Variants in TMEM266 observed in about 807,000 individuals in gnomAD.
The protein encoded by TMEM266 is Hv1 related protein 1.
In TMEM266, 33 loss-of-function variants were observed where a neutral mutation model predicts 50.5. That is an observed-to-expected ratio of 0.65 (90% CI 0.50 to 0.87). The LOEUF is 0.87. TMEM266 is among the 40% of genes least tolerant of loss of function. The pLI is 0.00. For synonymous variants in TMEM266, 310 were observed against 292.3 expected (o/e 1.06, Z -0.62); for missense variants, 655 against 695.1 (o/e 0.94, Z 0.65).
chr15:76,133,758 A>G (rs1243829648), intron 1 of TMEM266, among the ~76,000 whole-genome samples: 2 of 152,240 alleles, frequency 1.3e-5, no homozygotes, highest in Admixed American at 1.3e-4. Context: ...TGGAAGGGAA[A>G]GGGAAGTGGG....
At position 76,195,071 on chromosome 15, in the gene TMEM266, C is replaced by G. The variant is rs1001887105; in HGVS notation, c.958+2914C>G. Among the ~76,000 whole-genome samples the G allele has an allele frequency of 2.0e-5, 3 of 152,160 alleles. No individual in the cohort carries two copies. The East Asian group carries it at 5.8e-4, about 29-fold the overall frequency. The stretch of plus-strand genomic sequence containing the variant: ...TAAATGTTCTGTACGGTTTCTGAGT[C>G]TCTGCATGCTGTTCATGGGATGGCC... On this transcript the variant is annotated intron_variant, in intron 9 of 10. Transcript: ENST00000388942.
At position 76,134,292 on chromosome 15, in the gene TMEM266, C is replaced by G. The variant is rs1353512983; in HGVS notation, c.29C>G (p.Thr10Ser). The G allele has an allele frequency of 2.5e-6, 4 of 1,613,760 alleles. No individual in the cohort carries two copies. In the African/African-American group the frequency reaches 5.3e-5, roughly 22 times the overall value. ...GCTGTGGCTCCATCTTTCAACATGACCAATCCACAGTAAGTAATGCTGGGA... is the reference window on the plus strand; with the variant it reads ...GCTGTGGCTCCATCTTTCAACATGAGCAATCCACAGTAAGTAATGCTGGGA... The change falls in exon 2 of 11, where the codon ACC becomes AGC. Residue 10 changes from threonine to serine, a missense_variant. Transcript: ENST00000388942.
chr15:76,148,756 C>A (rs1355417258), intron 3 of TMEM266, among the ~76,000 whole-genome samples: 1 of 144,586 alleles, frequency 6.9e-6, no homozygotes, highest in Non-Finnish European at 1.5e-5. Flanking sequence ...GCCACCATAC[C>A]CTACTGTTTC....
intron 3 of TMEM266, among the ~76,000 whole-genome samples, chr15:76,145,393 G>A (rs2037742373): frequency 6.6e-6 from 1 of 152,180 alleles, no homozygotes; most frequent in Non-Finnish European, 1.5e-5. Context: ...GCTGCCTGTG[G>A]TCATCAGGCC....
At chr15:76,176,694 TGA>T (rs1424823239) in intron 8 of TMEM266, among the ~76,000 whole-genome samples, 2 of 152,142 alleles carry the variant, frequency 1.3e-5, no homozygotes, top group Non-Finnish European at 2.9e-5. Context: ...GTCCTGCCAG[TGA>T]AAGTGGAGGA....
chr15:76,170,255 G>GGGTGGGTGT (rs2038167046), intron 6 of TMEM266, among the ~76,000 whole-genome samples: 1 of 152,204 alleles, frequency 6.6e-6, no homozygotes, highest in Admixed American at 6.5e-5. Flanking sequence ...CCCGCCACAC[G>GGGTGGGTGT]GGTGGGTGTG....
rs531749145 is a variant in TMEM266 at position 76,192,384 on chromosome 15, C to T, written c.958+227C>T. 3.3e-5 allele frequency among the ~76,000 whole-genome samples: 5 copies of T among 152,332 alleles called. No individual in the cohort carries two copies. In the South Asian group the frequency reaches 8.3e-4, roughly 25 times the overall value. On this transcript the variant is annotated intron_variant, in intron 9 of 10. Coordinates refer to ENST00000388942, the MANE Select transcript of TMEM266 (RefSeq NM_152335.3). ...CCACCGACCCAAACTAGAAATGACT[C>T]GTCCCCATTTCATGCCTGTGGCCAC...
chr15:76,172,166 GTTGGTTTGGT>G (rs1039686246), intron 7 of TMEM266, among the ~76,000 whole-genome samples: 4 of 152,178 alleles, frequency 2.6e-5, no homozygotes, highest in Admixed American at 2.0e-4. Flanking sequence ...AGGATGTTTT[GTTGGTTTGGT>G]TTGGTTTGGT....
chr15:76,170,935 C>A, intron 6 of TMEM266, 58 bp from the exon 7 acceptor site: 1 of 1,543,386 alleles, frequency 6.5e-7, no homozygotes, highest in Non-Finnish European at 8.8e-7. Flanking sequence ...GCCTGACTGA[C>A]CCCTGGTCCC....
At chr15:76,170,115 C>T (rs893554672) in intron 6 of TMEM266, among the ~76,000 whole-genome samples, 4 of 150,744 alleles carry the variant, frequency 2.7e-5, no homozygotes, top group Non-Finnish European at 5.9e-5. Context: ...TGAAGTTCTG[C>T]AAAATTTTAC....
intron 8 of TMEM266, among the ~76,000 whole-genome samples, chr15:76,178,284 C>T (rs1206248932): frequency 3.3e-5 from 5 of 151,988 alleles, no homozygotes; most frequent in Admixed American, 2.6e-4. Context: ...GGGACAGAGG[C>T]TGGAGAAGAA....
At chr15:76,112,735 C>G (rs1293696647) in intron 1 of TMEM266, 1 of 152,184 alleles carries the variant, frequency 6.6e-6, no homozygotes, top group East Asian at 1.9e-4. Flanking sequence ...AGCCACTGAA[C>G]TAAATTTGGC....
intron 1 of TMEM266, among the ~76,000 whole-genome samples, chr15:76,089,990 A>G (rs1391806633): frequency 6.6e-6 from 1 of 152,186 alleles, no homozygotes; most frequent in African/African-American, 2.4e-5. Context: ...AACCACGAAC[A>G]TGGAAACAGC....
At chr15:76,198,031 C>A (rs999459981) in intron 9 of TMEM266, among the ~76,000 whole-genome samples, 2 of 152,228 alleles carry the variant, frequency 1.3e-5, no homozygotes, top group African/African-American at 2.4e-5. Context: ...CAGAGAGCAG[C>A]TGCCACAGAA....
At chr15:76,169,942 T>G in intron 6 of TMEM266, 70 bp downstream of exon 6, 1 of 1,511,102 alleles carries the variant, frequency 6.6e-7, no homozygotes, top group Non-Finnish European at 9.2e-7. Context: ...TCATGTCCCA[T>G]CCATTCCAGG....
At position 76,204,614 on chromosome 15, in the gene TMEM266, G is replaced by A. The variant is rs561131791; in HGVS notation, c.*299G>A. 252 of 243,660 alleles carry A rather than the reference G, an allele frequency of 1.0e-3. 1 individual carries two copies. The highest frequency in any genetic ancestry group is 1.5e-3 in the Non-Finnish European group (186 of 125,752). 15.1% of individuals were successfully genotyped at this position (243,660 alleles called of 1,614,324 possible). On this transcript the variant is annotated 3_prime_UTR_variant, in exon 11 of 11. Coordinates refer to ENST00000388942, the MANE Select transcript of TMEM266 (RefSeq NM_152335.3). ...GCCCAGCTTCAGCAGGGTAGAGTGTGGGGGGGCCAGCTCAGCCTCTTGCGT... is the reference window on the plus strand; with the variant it reads ...GCCCAGCTTCAGCAGGGTAGAGTGTAGGGGGGCCAGCTCAGCCTCTTGCGT...
At chr15:76,201,371 C>G (rs1321936341) in intron 9 of TMEM266, among the ~76,000 whole-genome samples, 2 of 152,172 alleles carry the variant, frequency 1.3e-5, no homozygotes, top group Admixed American at 1.3e-4. Flanking sequence ...CTCCCTGCTC[C>G]TCTCAGGAGG....
At chr15:76,198,596 C>G (rs2038691787) in intron 9 of TMEM266, among the ~76,000 whole-genome samples, 1 of 152,242 alleles carries the variant, frequency 6.6e-6, no homozygotes, top group Non-Finnish European at 1.5e-5. Flanking sequence ...GGGGTGGAGG[C>G]TGGGAAGTCC....
intron 7 of TMEM266, 141 bp from the exon 8 acceptor site, chr15:76,175,418 G>C (rs1338142568): frequency 3.1e-6 from 2 of 637,954 alleles, no homozygotes; most frequent in Non-Finnish European, 5.6e-6. Flanking sequence ...ATGCTCTCGG[G>C]TACCTGGACA....
Sources: gnomAD v4.1 joint callset for allele counts (sites outside exome capture counted in the v4.1 genomes callset) on GRCh38, gnomAD v4.1.1 for gene constraint, MANE v1.5 for transcripts, NCBI Gene and HGNC (gene_info 2026-07-23, HGNC 2026-07-21) for gene names.